RBFOX1: variants seen among roughly 807,000 people sequenced by gnomAD.
RBFOX1 encodes the protein RNA binding fox-1 homolog 1, also known as RNA binding protein fox-1 homolog 1.
In RBFOX1, 8 loss-of-function variants were observed where a neutral mutation model predicts 57.7. That is an observed-to-expected ratio of 0.14 (90% CI 0.08 to 0.25). The LOEUF is 0.25. RBFOX1 is among the 10% of genes least tolerant of loss of function. The pLI is 1.00. For missense variants in RBFOX1, 611 were observed against 548.5 expected, an observed-to-expected ratio of 1.11 and a Z score of -1.14; for synonymous variants, 326 against 222.4, an observed-to-expected ratio of 1.47 and a Z score of -4.15.
chr16:7,547,964 C>A (rs140019516), intron 5 of RBFOX1, among the ~76,000 whole-genome samples: 1 of 152,286 alleles, frequency 6.6e-6, no homozygotes, highest in African/African-American at 2.4e-5. Flanking sequence ...TAAGGATAGA[C>A]TTTAGTAGGC....
chr16:7,122,547 A>G (rs983981314), intron 4 of RBFOX1, among the ~76,000 whole-genome samples: 4 of 152,184 alleles, frequency 2.6e-5, no homozygotes, highest in African/African-American at 9.6e-5. Context: ...GTAGAGGCAT[A>G]AGATAAAAAA....
intron 4 of RBFOX1, among the ~76,000 whole-genome samples, chr16:7,058,775 C>T (rs752638197): frequency 1.3e-5 from 2 of 152,078 alleles, no homozygotes; most frequent in African/African-American, 2.4e-5. Context: ...TTTACCGTGG[C>T]AATACAAAGT....
intron 4 of RBFOX1, among the ~76,000 whole-genome samples, chr16:5,906,678 T>G (rs1033152003): frequency 1.3e-5 from 2 of 151,388 alleles, no homozygotes; most frequent in Non-Finnish European, 2.9e-5. Context: ...TGCTGAGTGT[T>G]GTCGCTGACC....
intron 3 of RBFOX1, among the ~76,000 whole-genome samples, chr16:6,753,972 C>T (rs1307101714): frequency 6.6e-6 from 1 of 152,264 alleles, no homozygotes; most frequent in East Asian, 1.9e-4. Context: ...ATGGAGCTGA[C>T]TGTTGACTTG....
At chr16:6,031,307 C>A (rs1008328052) in intron 1 of RBFOX1, among the ~76,000 whole-genome samples, 1 of 152,062 alleles carries the variant, frequency 6.6e-6, no homozygotes, top group Admixed American at 6.5e-5. Flanking sequence ...GCAAGGTGGC[C>A]AGCGTGCCTG....
Position 5,640,617 on chromosome 16 carries a change from TATGCACACCATGCATACACACAAACAC to T in RBFOX1, c.318+41664_318+41690del, listed in dbSNP as rs1158809198. ...CCATGGATACACACATGCGCATACA[TATGCACACCATGCATACACACAAACAC>T]ATGCACAGCATGCATACACATACAT... On this transcript the variant is annotated intron_variant, in intron 3 of 19. Transcript: ENST00000641259. 4.0e-5 allele frequency among the ~76,000 whole-genome samples: 6 copies of T among 148,972 alleles called. No homozygotes were observed. In the South Asian group the frequency reaches 1.3e-3, roughly 32 times the overall value.
At chr16:6,745,386 C>T (rs974708214) in intron 3 of RBFOX1, among the ~76,000 whole-genome samples, 1 of 151,988 alleles carries the variant, frequency 6.6e-6, no homozygotes, top group African/African-American at 2.4e-5. Context: ...CTCATGAATA[C>T]CTATGTGAAA....
At chr16:6,384,995 C>G (rs577322317) in intron 2 of RBFOX1, among the ~76,000 whole-genome samples, 2 of 152,324 alleles carry the variant, frequency 1.3e-5, no homozygotes, top group African/African-American at 2.4e-5. Flanking sequence ...GTCACTCACC[C>G]TATTTCAGCA....
At chr16:5,500,161 C>G (rs2043141210) in intron 2 of RBFOX1, among the ~76,000 whole-genome samples, 1 of 147,984 alleles carries the variant, frequency 6.8e-6, no homozygotes, top group Non-Finnish European at 1.5e-5. Flanking sequence ...TTCCTCCCCT[C>G]CCACTCCCTG....
chr16:7,382,914 T>C (rs1229835948), intron 4 of RBFOX1, among the ~76,000 whole-genome samples: 1 of 152,214 alleles, frequency 6.6e-6, no homozygotes, highest in Non-Finnish European at 1.5e-5. Flanking sequence ...TTAGTTTAGA[T>C]ATTTGCCTTT....
chr16:7,657,453 C>T lies in RBFOX1; in HGVS notation c.890+3506C>T, dbSNP rs981318221. On this transcript the variant is annotated intron_variant, in intron 12 of 15. Coordinates refer to ENST00000550418, the MANE Select transcript of RBFOX1 (RefSeq NM_018723.4). ...CTAAGTAGCTGGGATTACAGGTGCCCGCCACCACACCTGGCTAATTTTTGC... is the reference window on the plus strand; with the variant it reads ...CTAAGTAGCTGGGATTACAGGTGCCTGCCACCACACCTGGCTAATTTTTGC... Among the ~76,000 whole-genome samples the T allele has an allele frequency of 5.3e-5, 8 of 152,110 alleles. No homozygotes were observed. The East Asian group carries it at 7.7e-4, about 15-fold the overall frequency.
rs772660112 is a variant in RBFOX1 at position 6,353,932 on chromosome 16, G to GA, written c.-64+36877dup. ...TTCCCACCTTTAGTCTCCTTTTCTAGAAGCATAAACACATAAACAGTTCAC... is the reference window on the plus strand; with the variant it reads ...TTCCCACCTTTAGTCTCCTTTTCTAGAAAGCATAAACACATAAACAGTTCAC... On this transcript the variant is annotated intron_variant, in intron 2 of 15. Transcript: ENST00000550418. Among the ~76,000 whole-genome samples the GA allele has an allele frequency of 1.1e-4, 17 of 152,168 alleles. No homozygotes were observed. In the East Asian group the frequency reaches 2.9e-3, roughly 26 times the overall value.
chr16:6,201,700 A>T (rs2097216591), intron 1 of RBFOX1, among the ~76,000 whole-genome samples: 1 of 152,174 alleles, frequency 6.6e-6, no homozygotes, highest in South Asian at 2.1e-4. Flanking sequence ...AGAAATGGTA[A>T]ACGCTTGAGG....
At chr16:6,344,694 G>GTTTTTTTT (rs5815301) in intron 2 of RBFOX1, among the ~76,000 whole-genome samples, 2 of 88,350 alleles carry the variant, frequency 2.3e-5, no homozygotes, top group Non-Finnish European at 4.2e-5. Context: ...ACCGAGCCCG[G>GTTTTTTTT]TTTTTTTTTT....
intron 3 of RBFOX1, among the ~76,000 whole-genome samples, chr16:6,899,026 T>G (rs2094060071): frequency 7.2e-6 from 1 of 139,608 alleles, no homozygotes; most frequent in Non-Finnish European, 1.5e-5. Flanking sequence ...TCTCTGTGTG[T>G]GTGTATAATG....
intron 3 of RBFOX1, among the ~76,000 whole-genome samples, chr16:6,913,614 C>T (rs2153437488): frequency 6.6e-6 from 1 of 152,274 alleles, no homozygotes; most frequent in East Asian, 1.9e-4. Context: ...CCCAGAGCAA[C>T]TCAAGCCCTG....
At chr16:7,436,467 A>G (rs1287434991) in intron 4 of RBFOX1, among the ~76,000 whole-genome samples, 4 of 152,216 alleles carry the variant, frequency 2.6e-5, no homozygotes, top group African/African-American at 9.6e-5. Flanking sequence ...TGTCAAACAC[A>G]GGTGGAGACA....
intron 2 of RBFOX1, among the ~76,000 whole-genome samples, chr16:6,321,059 G>A (rs1159130916): frequency 6.6e-6 from 1 of 152,168 alleles, no homozygotes; most frequent in Admixed American, 6.5e-5. Flanking sequence ...CTCCCAAAGC[G>A]TTGGGATTAC....
At chr16:6,483,469 T>G (rs1472484714) in intron 2 of RBFOX1, 1 of 1,535,338 alleles carries the variant, frequency 6.5e-7, no homozygotes, top group South Asian at 1.2e-5. Context: ...GTTTTCCCGG[T>G]GAGGAAACAG....
Sources: gnomAD v4.1 joint callset for allele counts (sites outside exome capture counted in the v4.1 genomes callset) on GRCh38, gnomAD v4.1.1 for gene constraint, MANE v1.5 for transcripts, NCBI Gene and HGNC (gene_info 2026-07-23, HGNC 2026-07-21) for gene names.